FOXN2: variants seen among roughly 807,000 people sequenced by gnomAD.
FOXN2 encodes forkhead box N2.
In FOXN2, 19 loss-of-function variants were observed where a neutral mutation model predicts 41.2. The ratio of observed to expected loss-of-function variants is 0.46; its 90% CI spans 0.32 to 0.68. The LOEUF (loss-of-function observed/expected upper bound fraction) is 0.68, where lower values mean the gene tolerates loss of function less well. FOXN2 is among the 30% of genes least tolerant of loss of function. The probability of loss-of-function intolerance (pLI) is 0.03; values close to 1 mark genes in which losing one functional copy is unlikely to be tolerated. For missense variants in FOXN2, 587 were observed against 509.4 expected (o/e 1.15, Z -1.47); for synonymous variants, 195 against 176.8 (o/e 1.10, Z -0.82).
intron 3 of FOXN2, among the ~76,000 whole-genome samples, chr2:48,357,100 T>C (rs952171204): frequency 2.9e-4 from 44 of 152,146 alleles, no homozygotes; most frequent in African/African-American, 1.1e-3. Flanking sequence ...AATACAGAGT[T>C]TTATCTCTTG....
chr2:48,316,762 G>A (rs150743307), intron 1 of FOXN2, among the ~76,000 whole-genome samples: 51 of 152,316 alleles, frequency 3.3e-4, no homozygotes, highest in African/African-American at 1.2e-3. Flanking sequence ...GTTTCATTTT[G>A]TGAATGCTTT....
Position 48,359,001 on chromosome 2 carries a change from G to C in FOXN2, c.538-46G>C, listed in dbSNP as rs189003482. The C allele has an allele frequency of 4.5e-3, 6,249 of 1,401,530 alleles. 34 individuals carry two copies. The highest frequency in any genetic ancestry group is 0.011 in the South Asian group (932 of 84,444). 86.8% of individuals were successfully genotyped at this position (1,401,530 alleles called of 1,614,324 possible). On this transcript the variant is annotated intron_variant, in intron 3 of 6. Coordinates refer to ENST00000340553, the MANE Select transcript of FOXN2 (RefSeq NM_002158.4). Reference sequence around the variant, plus strand: ...TATTTAAAACATTTAGACGCTGACTGTTTATGTATAAAAGTTCCTAGTTAT... The same window carrying C: ...TATTTAAAACATTTAGACGCTGACTCTTTATGTATAAAAGTTCCTAGTTAT...
intron 1 of FOXN2, among the ~76,000 whole-genome samples, chr2:48,323,449 A>G (rs1433110852): frequency 6.6e-6 from 1 of 152,146 alleles, no homozygotes; most frequent in Non-Finnish European, 1.5e-5. Context: ...GTAAGATGGT[A>G]TCTCATTGTA....
intron 1 of FOXN2, among the ~76,000 whole-genome samples, chr2:48,326,803 A>G (rs139943734): frequency 3.9e-5 from 6 of 152,200 alleles, no homozygotes; most frequent in Non-Finnish European, 5.9e-5. Flanking sequence ...TATAAGATAT[A>G]TATGAAACAT....
At chr2:48,340,785 A>G (rs966192758) in intron 2 of FOXN2, 2 of 152,216 alleles carry the variant, frequency 1.3e-5, no homozygotes, top group Admixed American at 6.5e-5. Flanking sequence ...AATTGCACTC[A>G]GATAAACCTC....
chr2:48,374,924 G>C lies in FOXN2; in HGVS notation c.777G>C (p.Glu259Asp), dbSNP rs1270087121. 2 of 1,606,464 alleles carry C rather than the reference G, an allele frequency of 1.2e-6. No individual in the cohort carries two copies. The highest frequency in any genetic ancestry group is 1.7e-5 in the Admixed American group (1 of 59,376). The change falls in exon 7 of 7, where the codon GAG (glutamate) becomes GAC (aspartate). Residue 259 changes from glutamate (E) to aspartate (D), a missense_variant. Physicochemically the swap from Glu to Asp is conservative, Grantham distance 45. Transcript: ENST00000340553. The stretch of plus-strand genomic sequence containing the variant: ...TGGAACTTTTATTTTCCACAGGTGA[G>C]AAGCCTCTTCCTCTTAAAACAGCAT... ...TSIEQGILECEKPLPLKTALQ... is the reference protein window; with the variant it reads ...TSIEQGILECDKPLPLKTALQ...
intron 1 of FOXN2, among the ~76,000 whole-genome samples, chr2:48,321,338 G>C (rs931177639): frequency 6.6e-6 from 1 of 152,080 alleles, no homozygotes; most frequent in Non-Finnish European, 1.5e-5. Flanking sequence ...GATCGAGACC[G>C]TCTGGCTAAC....
At chr2:48,373,518 T>G (rs1673043106) in intron 6 of FOXN2, among the ~76,000 whole-genome samples, 158 bp downstream of exon 6, 1 of 152,176 alleles carries the variant, frequency 6.6e-6, no homozygotes. Flanking sequence ...TTTCATTAAT[T>G]TATGTGAGCA....
chr2:48,367,271 A>C (rs1365150826), intron 5 of FOXN2, among the ~76,000 whole-genome samples: 1 of 151,604 alleles, frequency 6.6e-6, no homozygotes, highest in Non-Finnish European at 1.5e-5. Context: ...AATATTACTG[A>C]GCTGTTCTAG....
rs74882309 is a variant in FOXN2 at position 48,348,760 on chromosome 2, T to G, written c.537+2009T>G. Among the ~76,000 whole-genome samples, 795 of 152,354 alleles carry G rather than the reference T, an allele frequency of 5.2e-3. 6 individuals carry two copies. The highest frequency in any genetic ancestry group is 0.018 in the African/African-American group (749 of 41,580). Reference sequence around the variant, plus strand: ...CTACAGAGATGGACTGCCAATACTTTGTGTTTAAAGTGAGGCCTGGAGCAA... The same window carrying G: ...CTACAGAGATGGACTGCCAATACTTGGTGTTTAAAGTGAGGCCTGGAGCAA... On this transcript the variant is annotated intron_variant, in intron 3 of 6. Coordinates refer to ENST00000340553, the MANE Select transcript of FOXN2 (RefSeq NM_002158.4).
At chr2:48,363,429 A>G (rs967786659) in intron 5 of FOXN2, among the ~76,000 whole-genome samples, 2 of 152,188 alleles carry the variant, frequency 1.3e-5, no homozygotes, top group African/African-American at 4.8e-5. Context: ...TTAATGTATT[A>G]TTGAAGAAAG....
chr2:48,347,887 G>T (rs933596782), intron 3 of FOXN2, among the ~76,000 whole-genome samples: 5 of 151,922 alleles, frequency 3.3e-5, no homozygotes, highest in Admixed American at 1.3e-4. Context: ...ATGATTTATT[G>T]TCTTCTGGCT....
intron 1 of FOXN2, among the ~76,000 whole-genome samples, chr2:48,315,017 G>A (rs1265293105): frequency 1.3e-5 from 2 of 152,088 alleles, no homozygotes; most frequent in African/African-American, 4.8e-5. Flanking sequence ...CGTATCGGGT[G>A]GTGTGTGGGC....
intron 2 of FOXN2, among the ~76,000 whole-genome samples, chr2:48,332,346 AGT>A (rs1670067709): frequency 2.0e-5 from 3 of 152,230 alleles, no homozygotes; most frequent in African/African-American, 7.2e-5. Context: ...TTTATAATAA[AGT>A]ACTTTTGGAT....
At chr2:48,335,365 C>G (rs1281910399) in intron 2 of FOXN2, among the ~76,000 whole-genome samples, 1 of 151,912 alleles carries the variant, frequency 6.6e-6, no homozygotes, top group Non-Finnish European at 1.5e-5. Context: ...AAAGGTAAAT[C>G]TTAAGAAATT....
chr2:48,337,166 C>G (rs1670420611), intron 2 of FOXN2, among the ~76,000 whole-genome samples: 2 of 151,532 alleles, frequency 1.3e-5, no homozygotes, highest in South Asian at 4.2e-4. Flanking sequence ...TTCATGATTT[C>G]AATTCATTTG....
chr2:48,370,765 CTGT>C (rs1672838721), intron 5 of FOXN2, among the ~76,000 whole-genome samples: 1 of 152,112 alleles, frequency 6.6e-6, no homozygotes, highest in Admixed American at 6.6e-5. Flanking sequence ...TGTCATTTCA[CTGT>C]TGTTTCTTTC....
At chr2:48,358,019 A>G (rs11680916) in intron 3 of FOXN2, among the ~76,000 whole-genome samples, 20,468 of 152,116 alleles carry the variant, frequency 0.13, 1,682 homozygotes, top group East Asian at 0.45. Context: ...TTCTATTTAT[A>G]TAAATTGCCA....
At chr2:48,327,039 A>G (rs911055849) in intron 1 of FOXN2, among the ~76,000 whole-genome samples, 4 of 152,098 alleles carry the variant, frequency 2.6e-5, no homozygotes, top group Non-Finnish European at 4.4e-5. Flanking sequence ...AGAAATGTGG[A>G]CAGATTTCAG....
Sources: allele counts gnomAD v4.1 joint callset (sites outside exome capture counted in the v4.1 genomes callset), GRCh38; gene constraint gnomAD v4.1.1; transcripts MANE v1.5; gene names NCBI Gene and HGNC (gene_info 2026-07-23, HGNC 2026-07-21).